Variants in CCDC192 observed in about 807,000 individuals in gnomAD.
CCDC192 encodes coiled-coil domain-containing protein 192.
intron 5 of CCDC192, among the ~76,000 whole-genome samples, chr5:127,834,147 T>G (rs1749927798): frequency 6.6e-6 from 1 of 152,126 alleles, no homozygotes; most frequent in Admixed American, 6.6e-5. Flanking sequence ...GAGATGTACC[T>G]AGACCCTTAT....
chr5:127,743,554 G>C (rs1753555976), intron 2 of CCDC192, among the ~76,000 whole-genome samples: 1 of 152,126 alleles, frequency 6.6e-6, no homozygotes, highest in Non-Finnish European at 1.5e-5. Context: ...CAAGAAGAGT[G>C]CTCCTTAGGT....
At chr5:127,868,758 G>A (rs1350883249) in intron 5 of CCDC192, among the ~76,000 whole-genome samples, 3 of 151,552 alleles carry the variant, frequency 2.0e-5, no homozygotes, top group African/African-American at 4.9e-5. Context: ...GGCGGTGGGC[G>A]CCCATAGTCA....
rs1753688332 is a variant in CCDC192, at chr5:127,745,462, C to G, written c.115-8806C>G. ...TAAACTATCAACCTCAACATCCATGCATAATAATAGTCAGGTGTCTTTACT... is the reference window on the plus strand; with the variant it reads ...TAAACTATCAACCTCAACATCCATGGATAATAATAGTCAGGTGTCTTTACT... On this transcript the variant is annotated intron_variant, in intron 2 of 6. Transcript: ENST00000514853. Among the ~76,000 whole-genome samples, 3 of 152,094 alleles carry G rather than the reference C, an allele frequency of 2.0e-5. No homozygotes were observed. In the South Asian group the frequency reaches 6.2e-4, roughly 32 times the overall value.
chr5:127,741,263 A>G (rs1188926500), intron 2 of CCDC192, among the ~76,000 whole-genome samples: 2 of 152,002 alleles, frequency 1.3e-5, no homozygotes, highest in Non-Finnish European at 2.9e-5. Context: ...AGGTCTCACC[A>G]TGTTGCACAG....
intron 2 of CCDC192, among the ~76,000 whole-genome samples, chr5:127,751,696 A>G (rs1360865696): frequency 6.6e-6 from 1 of 152,158 alleles, no homozygotes; most frequent in Non-Finnish European, 1.5e-5. Context: ...CCTGGATAAT[A>G]TCCTGCAGAG....
At chr5:127,782,213 T>C (rs1232643120) in intron 3 of CCDC192, among the ~76,000 whole-genome samples, 1 of 152,204 alleles carries the variant, frequency 6.6e-6, no homozygotes, top group Non-Finnish European at 1.5e-5. Context: ...TTGGATTTGG[T>C]TAACTAGTAT....
At chr5:127,800,624 C>A (rs1280607311) in intron 5 of CCDC192, among the ~76,000 whole-genome samples, 1 of 152,022 alleles carries the variant, frequency 6.6e-6, no homozygotes, top group Non-Finnish European at 1.5e-5. Flanking sequence ...ACCTGAATAT[C>A]TTGCTGACAC....
At chr5:127,737,322 C>G (rs1400397872) in intron 2 of CCDC192, among the ~76,000 whole-genome samples, 1 of 152,058 alleles carries the variant, frequency 6.6e-6, no homozygotes, top group Non-Finnish European at 1.5e-5. Flanking sequence ...TGTTCTTTTA[C>G]ATTTGCTGAG....
chr5:127,745,224 A>C (rs1753670465), intron 2 of CCDC192, among the ~76,000 whole-genome samples: 2 of 152,344 alleles, frequency 1.3e-5, no homozygotes, highest in East Asian at 3.9e-4. Flanking sequence ...CTTAAGGGTC[A>C]AAGAGTTTGT....
chr5:127,906,415 C>T (rs1753195198), intron 6 of CCDC192, among the ~76,000 whole-genome samples: 2 of 152,184 alleles, frequency 1.3e-5, no homozygotes, highest in African/African-American at 4.8e-5. Context: ...TTCAACCAAT[C>T]ATCTGACAAT....
intron 5 of CCDC192, among the ~76,000 whole-genome samples, chr5:127,843,294 T>C (rs1420760930): frequency 1.3e-5 from 2 of 151,936 alleles, no homozygotes; most frequent in Admixed American, 1.3e-4. Flanking sequence ...CGCCTCAGCC[T>C]CCCAAAGTGC....
At chr5:127,889,980 T>C (rs1027055040) in intron 6 of CCDC192, among the ~76,000 whole-genome samples, 1 of 152,122 alleles carries the variant, frequency 6.6e-6, no homozygotes, top group Non-Finnish European at 1.5e-5. Context: ...TTTGCTTCCA[T>C]CTGTTTTAGG....
At chr5:127,878,929 G>C (rs1238297808) in intron 6 of CCDC192, among the ~76,000 whole-genome samples, 2 of 149,166 alleles carry the variant, frequency 1.3e-5, no homozygotes, top group Non-Finnish European at 3.0e-5. Flanking sequence ...CACATCCCTT[G>C]TAAGTAGGAT....
chr5:127,771,002 AC>A (rs1280628384), intron 3 of CCDC192, among the ~76,000 whole-genome samples: 2 of 152,158 alleles, frequency 1.3e-5, no homozygotes, highest in African/African-American at 4.8e-5. Flanking sequence ...AGAGGGAATG[AC>A]TTTTGAGCAC....
intron 5 of CCDC192, among the ~76,000 whole-genome samples, chr5:127,858,384 C>A (rs1751197064): frequency 6.6e-6 from 1 of 152,202 alleles, no homozygotes; most frequent in Non-Finnish European, 1.5e-5. Flanking sequence ...TTTCTCCCTG[C>A]ATTACCTAAT....
At chr5:127,793,822 T>C (rs947776525) in intron 3 of CCDC192, among the ~76,000 whole-genome samples, 4 of 152,184 alleles carry the variant, frequency 2.6e-5, no homozygotes, top group Non-Finnish European at 1.5e-5. Context: ...GAGCATGGAA[T>C]CTTAGAACCA....
At chr5:127,800,376 G>GA (rs1168212422) in intron 5 of CCDC192, among the ~76,000 whole-genome samples, 4,133 of 19,020 alleles carry the variant, frequency 0.22, 294 homozygotes, top group East Asian at 0.33. Flanking sequence ...GAGGTATTCT[G>GA]AAAAAAAAAA....
chr5:127,719,564 C>T (rs377538411), intron 2 of CCDC192, among the ~76,000 whole-genome samples: 2,754 of 13,604 alleles, frequency 0.2, 214 homozygotes, highest in African/African-American at 0.35. Context: ...TATATACACA[C>T]ATACATATAT....
intron 2 of CCDC192, among the ~76,000 whole-genome samples, chr5:127,719,264 G>C (rs2126793768): frequency 6.6e-6 from 1 of 151,962 alleles, no homozygotes; most frequent in Middle Eastern, 3.4e-3. Context: ...ACACCATTGT[G>C]TACATCTACC....
Sources: allele counts gnomAD v4.1 joint callset (sites outside exome capture counted in the v4.1 genomes callset), GRCh38; gene constraint gnomAD v4.1.1; transcripts MANE v1.5; gene names NCBI Gene and HGNC (gene_info 2026-07-23, HGNC 2026-07-21).